The following ERC2 variants were observed in gnomAD, a reference collection of about 807,000 sequenced individuals.
The protein encoded by ERC2 is ELKS/RAB6-interacting/CAST family member 2.
ERC2 carries 42 observed loss-of-function variants against 114.8 expected under a neutral mutation model. The observed-to-expected ratio is 0.37, with a 90% CI of 0.29 to 0.47. The LOEUF is 0.47. ERC2 is among the 20% of genes least tolerant of loss of function. ERC2 has a pLI of 0.99. For missense variants in ERC2, 939 were observed against 1,150.7 expected, an observed-to-expected ratio of 0.82 and a Z score of 2.66; for synonymous variants, 454 against 425.5, an observed-to-expected ratio of 1.07 and a Z score of -0.82.
At chr3:55,701,321 C>T (rs1310079034) in intron 15 of ERC2, among the ~76,000 whole-genome samples, 3 of 152,122 alleles carry the variant, frequency 2.0e-5, no homozygotes, top group Admixed American at 2.0e-4. Context: ...TGGAGATTTT[C>T]TGGGTCATCC....
chr3:55,848,445 G>T (rs373438885), intron 14 of ERC2, among the ~76,000 whole-genome samples: 2 of 152,014 alleles, frequency 1.3e-5, no homozygotes, highest in African/African-American at 2.4e-5. Context: ...CCTTCACACC[G>T]CAGAGGCATC....
chr3:56,399,246 C>T lies in ERC2; in HGVS notation c.657+35105G>A, dbSNP rs141798514. ...TTCAATCCAAAACCATTAGAGCCTG[C>T]GTACTTCTATTCAAAATAACATTAG... On this transcript the variant is annotated intron_variant, in intron 2 of 17. Coordinates refer to ENST00000288221, the MANE Select transcript of ERC2 (RefSeq NM_015576.3). 2.6e-5 allele frequency among the ~76,000 whole-genome samples: 4 copies of T among 152,284 alleles called. No individual in the cohort carries two copies. The East Asian group carries it at 7.7e-4, about 29-fold the overall frequency.
At chr3:55,606,674 A>G (rs1218359023) in intron 17 of ERC2, 1 of 152,282 alleles carries the variant, frequency 6.6e-6, no homozygotes, top group Non-Finnish European at 1.5e-5. Flanking sequence ...AATGTAAAGT[A>G]CATGTGAGCC....
At chr3:56,102,956 G>A (rs1419560663) in intron 6 of ERC2, among the ~76,000 whole-genome samples, 1 of 152,108 alleles carries the variant, frequency 6.6e-6, no homozygotes, top group Non-Finnish European at 1.5e-5. Context: ...CTCTGAGGAA[G>A]CAAACAATGG....
At chr3:56,379,034 T>A (rs961156391) in intron 2 of ERC2, among the ~76,000 whole-genome samples, 1 of 152,206 alleles carries the variant, frequency 6.6e-6, no homozygotes, top group African/African-American at 2.4e-5. Flanking sequence ...AACAGTGTTT[T>A]CGCAACATGT....
chr3:56,434,634 G>T lies in ERC2; in HGVS notation c.374C>A (p.Thr125Asn). 1 of 1,613,984 alleles carries T rather than the reference G, an allele frequency of 6.2e-7. No homozygotes were observed. The highest frequency in any genetic ancestry group is 8.5e-7 in the Non-Finnish European group (1 of 1,179,894). ...GTGGTGGTGATGATGGGATGAGCCA[G>T]TCAGCCCACCATGTTGATCTGTGTA... is the stretch of plus-strand genomic sequence containing the variant. ...LSYTDQHGGL[T>N]GSSHHHHHQV... The change falls in exon 2 of 18, where the codon ACT becomes AAT. Residue 125 changes from threonine to asparagine, a missense_variant. By Grantham distance (65) the Thr-to-Asn change is moderately conservative (BLOSUM62 0). Around this residue, in one of 5 missense-constraint regions of ERC2, gnomAD observed 281 missense variants for 307.4 expected, o/e 0.91. Coordinates refer to ENST00000288221, the MANE Select transcript of ERC2 (RefSeq NM_015576.3).
At chr3:55,542,509 C>G (rs2054464197) in intron 17 of ERC2, among the ~76,000 whole-genome samples, 1 of 152,228 alleles carries the variant, frequency 6.6e-6, no homozygotes, top group South Asian at 2.1e-4. Flanking sequence ...ATCTCTCTCT[C>G]TCTTTCTCAT....
rs149011128 is a variant in ERC2 at position 56,005,004 on chromosome 3, G to C, written c.2061+2177C>G. On this transcript the variant is annotated intron_variant, in intron 10 of 17. Coordinates refer to ENST00000288221, the MANE Select transcript of ERC2 (RefSeq NM_015576.3). ...GTGATGGGTATTTGAGGTTTTTACG[G>C]AACTATTTATTAGCAGAAATTAAAG... 2.6e-3 allele frequency among the ~76,000 whole-genome samples: 402 copies of C among 151,762 alleles called. 5 individuals are homozygous for C. Among genetic ancestry groups the C allele is most frequent in the African/African-American group, 9.2e-3 (380 of 41,412 alleles).
rs1213662333 is a variant in ERC2, at chr3:55,510,389, C to T, written c.*927G>A. On this transcript the variant is annotated 3_prime_UTR_variant, in exon 18 of 18. Coordinates refer to ENST00000288221, the MANE Select transcript of ERC2 (RefSeq NM_015576.3). ...GCTTCTTCATGGAGACCTGCATGCA[C>T]CGGGATGGTAAGAGTCTGAGGCTTG... is the stretch of plus-strand genomic sequence containing the variant. 6.6e-6 allele frequency: 1 copy of T among 152,312 alleles called. No individual in the cohort carries two copies. Among genetic ancestry groups the T allele is most frequent in the African/African-American group, 2.4e-5 (1 of 41,390 alleles). 9.4% of individuals were successfully genotyped at this position (152,312 alleles called of 1,614,324 possible).
chr3:55,873,611 C>T (rs1444089087), intron 14 of ERC2, among the ~76,000 whole-genome samples: 2 of 152,234 alleles, frequency 1.3e-5, no homozygotes, highest in African/African-American at 2.4e-5. Context: ...GGTCTGGCCT[C>T]TGCCCACCTC....
intron 14 of ERC2, among the ~76,000 whole-genome samples, chr3:55,799,440 TATATATATGC>T (rs1381736270): frequency 4.0e-4 from 51 of 127,116 alleles, no homozygotes; most frequent in Middle Eastern, 3.4e-3. Flanking sequence ...ATATGCCTTA[TATATATATGC>T]ATATATATAT....
rs539203126 is a variant in ERC2, at chr3:55,575,198, A to G, written c.*40-63922T>C. Among the ~76,000 whole-genome samples, 10 of 152,190 alleles carry G rather than the reference A, an allele frequency of 6.6e-5. No individual in the cohort carries two copies. In the East Asian group the frequency reaches 1.7e-3, roughly 26 times the overall value. On this transcript the variant is annotated intron_variant, in intron 17 of 17. Transcript: ENST00000288221. ...CCCAGCTAATTTTTTGGTATTTTTTAGTAGAGACGGGGTTTCACCATGTTG... is the reference window on the plus strand; with the variant it reads ...CCCAGCTAATTTTTTGGTATTTTTTGGTAGAGACGGGGTTTCACCATGTTG...
intron 14 of ERC2, among the ~76,000 whole-genome samples, chr3:55,786,896 C>T (rs1356770708): frequency 6.6e-6 from 1 of 152,152 alleles, no homozygotes; most frequent in East Asian, 1.9e-4. Context: ...GAAAGGTCTA[C>T]TCAGCTAGTG....
intron 3 of ERC2, among the ~76,000 whole-genome samples, chr3:56,286,022 C>T (rs2054675757): frequency 6.6e-6 from 1 of 152,162 alleles, no homozygotes; most frequent in Non-Finnish European, 1.5e-5. Flanking sequence ...CTTCCCAAAA[C>T]ACACCACTCC....
intron 17 of ERC2, among the ~76,000 whole-genome samples, chr3:55,617,409 A>G (rs1320180180): frequency 6.6e-6 from 1 of 152,214 alleles, no homozygotes; most frequent in Non-Finnish European, 1.5e-5. Context: ...CACAGGTACT[A>G]TATTTAAACA....
intron 14 of ERC2, among the ~76,000 whole-genome samples, chr3:55,819,990 C>T (rs571234353): frequency 1.6e-4 from 25 of 152,316 alleles, no homozygotes; most frequent in African/African-American, 5.1e-4. Context: ...AGCAATTTCA[C>T]CTCACTTTGA....
Position 56,299,115 on chromosome 3 carries a change from T to TGTTTG in ERC2, c.658-2681_658-2680insCAAAC, listed in dbSNP as rs1285054913. ...TAGATAGTTTTTTTTTGTTTTTTTT[T>TGTTTG]TTTGTTTTTTTTTTTGTTTGTTTGT... On this transcript the variant is annotated intron_variant, in intron 2 of 17. Coordinates refer to ENST00000288221, the MANE Select transcript of ERC2 (RefSeq NM_015576.3). Among the ~76,000 whole-genome samples the TGTTTG allele has an allele frequency of 1.2e-3, 161 of 135,948 alleles. 1 individual carries two copies. The highest frequency in any genetic ancestry group is 4.3e-3 in the African/African-American group (151 of 34,748). The allele number at this position is 135,948 out of a possible 152,430, so 89.2% of individuals were successfully genotyped here.
At chr3:55,617,985 T>C (rs963090687) in intron 17 of ERC2, among the ~76,000 whole-genome samples, 2 of 151,938 alleles carry the variant, frequency 1.3e-5, no homozygotes, top group African/African-American at 4.8e-5. Flanking sequence ...CTGAAACCTC[T>C]AAAATTTTAG....
At chr3:55,651,937 T>C (rs1693937708) in intron 17 of ERC2, among the ~76,000 whole-genome samples, 1 of 152,196 alleles carries the variant, frequency 6.6e-6, no homozygotes, top group Non-Finnish European at 1.5e-5. Context: ...TACCCAGCCT[T>C]GTAGATTAGC....
Sources: allele counts gnomAD v4.1 joint callset (sites outside exome capture counted in the v4.1 genomes callset), GRCh38; gene constraint gnomAD v4.1.1; regional missense constraint gnomAD v4.1.1; transcripts MANE v1.5; gene names NCBI Gene and HGNC (gene_info 2026-07-23, HGNC 2026-07-21).